Variants in P2RX4 observed in about 807,000 individuals in gnomAD.
The protein encoded by P2RX4 is P2X purinoceptor 4.
A neutral mutation model predicts 48.0 loss-of-function variants in P2RX4; 37 were observed. That is an observed-to-expected ratio of 0.77 (90% confidence interval 0.59 to 1.01). The LOEUF is 1.01. P2RX4 is among the 50% of genes least tolerant of loss of function. The pLI is 0.00. For missense variants in P2RX4, 501 were observed against 521.4 expected (o/e 0.96, Z 0.38); for synonymous variants, 200 against 199.7 (o/e 1.00, Z -0.01).
At chr12:121,222,783 C>T (rs1429502043) in intron 4 of P2RX4, 164 bp from the exon 5 acceptor site, 12 of 1,532,980 alleles carry the variant, frequency 7.8e-6, no homozygotes, top group South Asian at 4.8e-5. Flanking sequence ...TGTCTTCCTC[C>T]GATTCTAACT....
Position 121,233,603 on chromosome 12 carries a change from AG to A in P2RX4, c.*56del. On this transcript the variant is annotated 3_prime_UTR_variant, in exon 12 of 12. Coordinates refer to ENST00000337233, the MANE Select transcript of P2RX4 (RefSeq NM_002560.3). ...GCCCCATCAAAGAACAGAGAGGAGG[AG>A]GAGGGAGAAATGGCCACCACATCAC... 6.3e-7 allele frequency: 1 copy of A among 1,587,876 alleles called. No individual in the cohort carries two copies. The highest frequency in any genetic ancestry group is 8.6e-7 in the Non-Finnish European group (1 of 1,165,676).
At chr12:121,215,867 T>C (rs1886196524) in intron 1 of P2RX4, 1 of 152,174 alleles carries the variant, frequency 6.6e-6, no homozygotes, top group East Asian at 1.9e-4. Flanking sequence ...TTCAAACTGG[T>C]AGTCATAGTC....
Position 121,229,091 on chromosome 12 carries a change from C to A in P2RX4, c.876C>A (p.Tyr292Ter), listed in dbSNP as rs745789325. ...TTGAGCACAACGTATCTCCTGGCTA[C>A]AATTTCAGGTGGGCGTGAGCTTGGG... ...RDVEHNVSPG[Y>*]NFRFAKYYRD... The change falls in exon 8 of 12, where the codon TAC becomes TAA. Residue 292 changes from tyrosine (Y) to a stop codon, truncating the protein, a stop_gained. Coordinates refer to ENST00000337233, the MANE Select transcript of P2RX4 (RefSeq NM_002560.3). LOFTEE classifies it high-confidence loss of function. This position sits in a 1 kb window ranked among gnomAD's most constrained non-coding sequence, Gnocchi z 4.6. 7.4e-6 allele frequency: 12 copies of A among 1,614,008 alleles called. No homozygotes were observed. Among genetic ancestry groups the A allele is most frequent in the Middle Eastern group, 1.6e-4 (1 of 6,084 alleles).
At position 121,210,130 on chromosome 12, in the gene P2RX4, G is replaced by C; in HGVS notation, c.-35G>C. ...GGCTCCGAGCGGGGACTGGGACCCA[G>C]ACCGACTAGGGGACTGGGAGCGGGC... On this transcript the variant is annotated 5_prime_UTR_variant, in exon 1 of 12. Transcript: ENST00000337233. 1 of 1,491,094 alleles carries C rather than the reference G, an allele frequency of 6.7e-7. No homozygotes were observed. Among genetic ancestry groups the C allele is most frequent in the Non-Finnish European group, 8.9e-7 (1 of 1,126,418 alleles). 92.4% of individuals were successfully genotyped at this position (1,491,094 alleles called of 1,614,324 possible).
At position 121,219,635 on chromosome 12, in the gene P2RX4, A is replaced by G. The variant is rs199857794; in HGVS notation, c.283-2278A>G. Among the ~76,000 whole-genome samples the G allele has an allele frequency of 3.2e-3, 326 of 102,432 alleles. 2 individuals carry two copies. The East Asian group carries it at 0.044, about 14-fold the overall frequency. The allele number at this position is 102,432 out of a possible 152,430, so 67.2% of individuals were successfully genotyped here. ...TGGATGGATAGATAGATAGATAGAT[A>G]GATAGATAGATAGATAGATAGATGG... On this transcript the variant is annotated intron_variant, in intron 2 of 11. Transcript: ENST00000337233.
At chr12:121,224,909 A>T (rs897975671) in intron 5 of P2RX4, among the ~76,000 whole-genome samples, 9 of 152,204 alleles carry the variant, frequency 5.9e-5, no homozygotes, top group African/African-American at 1.7e-4. Flanking sequence ...AGGAGATAGA[A>T]AAAGAAAAGG....
Position 121,210,299 on chromosome 12 carries a change from G to A in P2RX4, c.134+1G>A. 2.0e-6 allele frequency: 3 copies of A among 1,536,804 alleles called. No homozygotes were observed. The highest frequency in any genetic ancestry group is 2.3e-4 in the Middle Eastern group (1 of 4,262). Reference sequence around the variant, plus strand: ...TGCTCATCCTGGCCTACGTCATCGGGTGAGCGTGGGGCCGCGCGGGGGGCG... The same window carrying A: ...TGCTCATCCTGGCCTACGTCATCGGATGAGCGTGGGGCCGCGCGGGGGGCG... On this transcript the variant is annotated splice_donor_variant, in intron 1 of 11. Coordinates refer to ENST00000337233, the MANE Select transcript of P2RX4 (RefSeq NM_002560.3). LOFTEE classifies it high-confidence loss of function.
intron 11 of P2RX4, 130 bp downstream of exon 11, chr12:121,233,222 C>T (rs559078424): frequency 0.012 from 8,173 of 688,570 alleles, 77 homozygotes; most frequent in Non-Finnish European, 0.015. Context: ...TCCCCGTTAA[C>T]CCGGGCAGTC....
Position 121,229,098 on chromosome 12 carries a change from A to G in P2RX4, c.883A>G (p.Arg295Gly). 1 of 1,614,026 alleles carries G rather than the reference A, an allele frequency of 6.2e-7. No individual in the cohort carries two copies. Among genetic ancestry groups the G allele is most frequent in the Non-Finnish European group, 8.5e-7 (1 of 1,179,978 alleles). Residue 295 changes from arginine to glycine, a missense_variant and splice_region_variant, in exon 8 of 12, where the codon AGG (arginine) becomes GGG (glycine). Physicochemically the swap from Arg to Gly is moderately radical, Grantham distance 125. Around this residue, in one of 3 missense-constraint regions of P2RX4, gnomAD observed 197 missense variants for 219.5 expected, o/e 0.90. Coordinates refer to ENST00000337233, the MANE Select transcript of P2RX4 (RefSeq NM_002560.3). The surrounding 1 kb of genome is among the most constrained non-coding windows in gnomAD (Gnocchi z 4.6). ...CAACGTATCTCCTGGCTACAATTTCAGGTGGGCGTGAGCTTGGGCCCCTCG... is the reference window on the plus strand; with the variant it reads ...CAACGTATCTCCTGGCTACAATTTCGGGTGGGCGTGAGCTTGGGCCCCTCG... ...EHNVSPGYNF[R>G]FAKYYRDLAG...
intron 2 of P2RX4, among the ~76,000 whole-genome samples, chr12:121,219,639 A>G (rs372739810): frequency 6.2e-4 from 68 of 109,056 alleles, no homozygotes; most frequent in East Asian, 1.8e-3. Flanking sequence ...ATAGATAGAT[A>G]GATAGATAGA....
chr12:121,223,380 G>T, intron 5 of P2RX4: 1 of 341,834 alleles, frequency 2.9e-6, no homozygotes, highest in East Asian at 7.4e-5. Context: ...CCAGCCAGAA[G>T]CCACCACACC....
chr12:121,214,222 C>T (rs1486601159), intron 1 of P2RX4: 2 of 151,874 alleles, frequency 1.3e-5, no homozygotes, highest in Admixed American at 1.3e-4. Flanking sequence ...ATATGTGGCT[C>T]GCGTTATGTT....
intron 1 of P2RX4, among the ~76,000 whole-genome samples, chr12:121,211,536 C>A (rs889736032): frequency 2.0e-5 from 3 of 152,090 alleles, no homozygotes; most frequent in African/African-American, 4.8e-5. Flanking sequence ...ATGATAATTA[C>A]CTTGCCACCT....
At chr12:121,215,577 G>A (rs559071329) in intron 1 of P2RX4, 4 of 151,802 alleles carry the variant, frequency 2.6e-5, no homozygotes, top group Non-Finnish European at 4.4e-5. Context: ...CCAAATAGCC[G>A]GGATTTTTAT....
intron 8 of P2RX4, among the ~76,000 whole-genome samples, chr12:121,231,559 C>T (rs965109809): frequency 6.6e-6 from 1 of 152,042 alleles, no homozygotes; most frequent in Non-Finnish European, 1.5e-5. Context: ...GCGTCTGGCT[C>T]CTTCCCCTTA....
At chr12:121,221,832 C>A in intron 2 of P2RX4, 81 bp from the exon 3 acceptor site, 1 of 1,168,260 alleles carries the variant, frequency 8.6e-7, no homozygotes, top group South Asian at 1.2e-5. Flanking sequence ...TTTGAGTTGT[C>A]CTCTTCAGTC....
chr12:121,219,815 GA>G (rs1487304565), intron 2 of P2RX4, among the ~76,000 whole-genome samples: 3 of 146,430 alleles, frequency 2.0e-5, no homozygotes, highest in East Asian at 2.0e-4. Flanking sequence ...ACAGATGATA[GA>G]TATAGGATAG....
At chr12:121,230,740 G>T (rs1404269790) in intron 8 of P2RX4, among the ~76,000 whole-genome samples, 2 of 152,132 alleles carry the variant, frequency 1.3e-5, no homozygotes, top group Admixed American at 1.3e-4. Context: ...CCTGGCCCAT[G>T]GCGTGGAAGT....
intron 1 of P2RX4, 200 bp from the exon 2 acceptor site, chr12:121,216,934 G>A (rs774965090): frequency 1.7e-5 from 12 of 708,746 alleles, no homozygotes; most frequent in Middle Eastern, 2.3e-4. Flanking sequence ...TTTATTTCCC[G>A]CAAACCCTCC....
Sources: gnomAD v4.1 joint callset for allele counts (sites outside exome capture counted in the v4.1 genomes callset) on GRCh38, gnomAD v4.1.1 for gene constraint, gnomAD v4.1.1 regional missense constraint, Gnocchi (gnomAD v3.1) non-coding constraint, MANE v1.5 for transcripts, NCBI Gene and HGNC (gene_info 2026-07-23, HGNC 2026-07-21) for gene names.